The following CAPN9 variants were observed in gnomAD, a reference collection of about 807,000 sequenced individuals.
CAPN9 encodes calpain 9.
A neutral mutation model predicts 92.8 loss-of-function variants in CAPN9; 81 were observed. The ratio of observed to expected loss-of-function variants is 0.87; its 90% CI spans 0.73 to 1.05. The LOEUF (loss-of-function observed/expected upper bound fraction) is 1.05. Among genes scored for constraint, CAPN9 ranks in the 50% least tolerant of loss-of-function variants. CAPN9 has a pLI of 0.00. For synonymous variants in CAPN9, 304 were observed against 328.0 expected, an observed-to-expected ratio of 0.93 and a Z score of 0.79; for missense variants, 848 against 866.2, an observed-to-expected ratio of 0.98 and a Z score of 0.26.
intron 4 of CAPN9, among the ~76,000 whole-genome samples, chr1:230,765,297 A>G (rs1218376679): frequency 6.6e-6 from 1 of 150,636 alleles, no homozygotes; most frequent in East Asian, 2.0e-4. Context: ...AGCATACTGA[A>G]GGAGCTCCAA....
Position 230,780,491 on chromosome 1 carries a change from CCA to C in CAPN9, c.1273-8_1273-7del. On this transcript the variant is annotated splice_polypyrimidine_tract_variant and splice_region_variant and intron_variant, in intron 10 of 19. Coordinates refer to ENST00000271971, the MANE Select transcript of CAPN9 (RefSeq NM_006615.3). ...CCTAGGAAACCCCTCCCTTTCTTGC[CCA>C]TTGCAGTGCCCTGACAAAGACGAAC... 4.3e-6 allele frequency: 7 copies of C among 1,613,480 alleles called. No individual in the cohort carries two copies. Among genetic ancestry groups the C allele is most frequent in the Non-Finnish European group, 5.9e-6 (7 of 1,179,466 alleles).
Position 230,780,656 on chromosome 1 carries a change from C to A in CAPN9, c.1429C>A (p.Gln477Lys). 6.2e-7 allele frequency: 1 copy of A among 1,614,146 alleles called. No homozygotes were observed. Among genetic ancestry groups the A allele is most frequent in the Non-Finnish European group, 8.5e-7 (1 of 1,179,998 alleles). ...ILIPSTFEPH[Q>K]EADFCLRIFS... ...GATTCCCAGCACTTTTGAGCCCCACCAGGAAGCTGATTTCTGTCTGAGAAT... is the reference window on the plus strand; with the variant it reads ...GATTCCCAGCACTTTTGAGCCCCACAAGGAAGCTGATTTCTGTCTGAGAAT... The change falls in exon 11 of 20, where the codon CAG (glutamine) becomes AAG (lysine). Residue 477 changes from glutamine to lysine, a missense_variant. By Grantham distance (53) the Gln-to-Lys change is moderately conservative (BLOSUM62 1). Coordinates refer to ENST00000271971, the MANE Select transcript of CAPN9 (RefSeq NM_006615.3).
At chr1:230,782,713 C>T (rs1007069059) in intron 11 of CAPN9, among the ~76,000 whole-genome samples, 1 of 152,054 alleles carries the variant, frequency 6.6e-6, no homozygotes, top group Non-Finnish European at 1.5e-5. Flanking sequence ...GTTAGGGATG[C>T]AGCTTCAAAA....
At chr1:230,772,139 G>A (rs1218911986) in intron 7 of CAPN9, 40 bp downstream of exon 7, 2 of 1,545,868 alleles carry the variant, frequency 1.3e-6, no homozygotes, top group Admixed American at 1.7e-5. Flanking sequence ...GGTTCCCGGG[G>A]CGTGTGGGGC....
intron 6 of CAPN9, among the ~76,000 whole-genome samples, chr1:230,769,645 CTATCTATCTATCTATCTATCT>C (rs1275951822): frequency 1.6e-5 from 2 of 127,828 alleles, no homozygotes; most frequent in Non-Finnish European, 3.6e-5. Flanking sequence ...ATCTATCTAT[CTATCTATCTATCTATCTATCT>C]ATCTATCTAT....
At chr1:230,761,031 G>A (rs1321065834) in intron 3 of CAPN9, among the ~76,000 whole-genome samples, 5 of 152,112 alleles carry the variant, frequency 3.3e-5, no homozygotes, top group African/African-American at 9.7e-5. Context: ...GAGTCCCAGG[G>A]AGTGGAAGTG....
At chr1:230,789,599 T>C (rs566675240) in intron 13 of CAPN9, among the ~76,000 whole-genome samples, 1 of 152,046 alleles carries the variant, frequency 6.6e-6, no homozygotes, top group South Asian at 2.1e-4. Flanking sequence ...TCCATGATTC[T>C]GAAATTCACC....
intron 7 of CAPN9, among the ~76,000 whole-genome samples, chr1:230,774,044 C>A (rs1184458346): frequency 6.6e-6 from 1 of 152,220 alleles, no homozygotes; most frequent in Non-Finnish European, 1.5e-5. Flanking sequence ...GCTCACAGAA[C>A]CCCACCTGGC....
At chr1:230,788,848 T>G (rs1297848435) in intron 13 of CAPN9, among the ~76,000 whole-genome samples, 1 of 151,942 alleles carries the variant, frequency 6.6e-6, no homozygotes, top group African/African-American at 2.4e-5. Context: ...TTCATGCGGG[T>G]GCGCAGAAGT....
At chr1:230,768,963 C>T (rs139758830) in intron 5 of CAPN9, among the ~76,000 whole-genome samples, 55 of 152,336 alleles carry the variant, frequency 3.6e-4, no homozygotes, top group Non-Finnish European at 6.9e-4. Flanking sequence ...ACACTGGAAG[C>T]GAGCGCCTCC....
chr1:230,791,145 G>A (rs556545494), intron 14 of CAPN9, among the ~76,000 whole-genome samples: 11 of 152,148 alleles, frequency 7.2e-5, no homozygotes, highest in African/African-American at 2.4e-4. Flanking sequence ...CACGTGGGTT[G>A]TTACCGGTTT....
At chr1:230,750,544 CG>C (rs145698214) in intron 1 of CAPN9, among the ~76,000 whole-genome samples, 1 of 151,234 alleles carries the variant, frequency 6.6e-6, no homozygotes, top group African/African-American at 2.5e-5. Flanking sequence ...CGCAGGGAGC[CG>C]GGGGGTAGCG....
intron 1 of CAPN9, among the ~76,000 whole-genome samples, chr1:230,754,927 A>G (rs368421365): frequency 1.3e-5 from 2 of 152,210 alleles, no homozygotes; most frequent in South Asian, 2.1e-4. Context: ...AGCCTGTGGT[A>G]CATGCATTAC....
chr1:230,760,421 C>T (rs1365938791), intron 3 of CAPN9, among the ~76,000 whole-genome samples: 2 of 152,182 alleles, frequency 1.3e-5, no homozygotes, highest in Non-Finnish European at 2.9e-5. Context: ...TGACCTTCCA[C>T]CCCAGACAGT....
At chr1:230,763,797 A>G (rs1665793787) in intron 4 of CAPN9, among the ~76,000 whole-genome samples, 1 of 152,262 alleles carries the variant, frequency 6.6e-6, no homozygotes, top group African/African-American at 2.4e-5. Context: ...AAAGCCATCA[A>G]ATAAGAACCA....
chr1:230,790,210 G>A (rs371385349), intron 14 of CAPN9, 21 bp downstream of exon 14: 55 of 1,613,222 alleles, frequency 3.4e-5, no homozygotes, highest in Non-Finnish European at 4.6e-5. Context: ...ACCCCATCGG[G>A]GTCCTGGGGC....
Position 230,755,337 on chromosome 1 carries a change from G to A in CAPN9, c.214G>A (p.Glu72Lys), listed in dbSNP as rs752889376. Residue 72 changes from glutamate (E) to lysine (K), a missense_variant and splice_region_variant, in exon 2 of 20, where the codon GAA becomes AAA. Physicochemically the swap from Glu to Lys is moderately conservative, Grantham distance 56. Transcript: ENST00000271971. ...QIPFVWKRPGEIVKNPEFILG... is the reference protein window; with the variant it reads ...QIPFVWKRPGKIVKNPEFILG... Reference sequence around the variant, plus strand: ...CCTAATAACACTCTCATTCCTCCAGGAAATCGTGAAAAACCCAGAATTCAT... The same window carrying A: ...CCTAATAACACTCTCATTCCTCCAGAAAATCGTGAAAAACCCAGAATTCAT... 12 of 1,609,562 alleles carry A rather than the reference G, an allele frequency of 7.5e-6. No individual in the cohort carries two copies. Among genetic ancestry groups the A allele is most frequent in the African/African-American group, 1.3e-5 (1 of 74,812 alleles).
At chr1:230,762,863 G>GAT (rs2102854716) in intron 4 of CAPN9, 77 bp downstream of exon 4, 1 of 1,446,242 alleles carries the variant, frequency 6.9e-7, no homozygotes, top group East Asian at 2.5e-5. Context: ...AGCATCTAAG[G>GAT]GCTGGGAAAA....
rs569034538 is a variant in CAPN9 at position 230,750,414 on chromosome 1, C to A, written c.213+2705C>A. Reference sequence around the variant, plus strand: ...CTTTGGTCTGGTCCTCATTCTCGTACCCCTATCTGTTTCTTATTTAGGGGA... The same window carrying A: ...CTTTGGTCTGGTCCTCATTCTCGTAACCCTATCTGTTTCTTATTTAGGGGA... On this transcript the variant is annotated intron_variant, in intron 1 of 19. Transcript: ENST00000271971. 3.3e-5 allele frequency among the ~76,000 whole-genome samples: 5 copies of A among 152,312 alleles called. No individual in the cohort carries two copies. In the South Asian group the frequency reaches 8.3e-4, roughly 25 times the overall value.
Sources: allele counts gnomAD v4.1 joint callset (sites outside exome capture counted in the v4.1 genomes callset), GRCh38; gene constraint gnomAD v4.1.1; transcripts MANE v1.5; gene names NCBI Gene and HGNC (gene_info 2026-07-23, HGNC 2026-07-21).